The following LAMA2 variants were observed in gnomAD, a reference collection of about 807,000 sequenced individuals.
LAMA2 encodes laminin subunit alpha-2.
In LAMA2, 269 loss-of-function variants were observed where a neutral mutation model predicts 364.8. That is an observed-to-expected ratio of 0.74 (90% CI 0.67 to 0.82). LAMA2 has a LOEUF of 0.82. LAMA2 is among the 40% of genes least tolerant of loss of function. LAMA2 has a pLI of 0.00. For synonymous variants in LAMA2, 1,379 were observed against 1,370.6 expected, an observed-to-expected ratio of 1.01 and a Z score of -0.14; for missense variants, 3,807 against 3,873.2, an observed-to-expected ratio of 0.98 and a Z score of 0.45.
intron 34 of LAMA2, among the ~76,000 whole-genome samples, chr6:129,371,725 G>A (rs58958022): frequency 2.6e-5 from 4 of 151,236 alleles, no homozygotes; most frequent in Non-Finnish European, 4.4e-5. Flanking sequence ...TCCTGCCTCA[G>A]CCTCCCAAGT....
At chr6:129,260,911 C>G (rs1787081627) in intron 15 of LAMA2, 89 bp downstream of exon 15, 3 of 805,756 alleles carry the variant, frequency 3.7e-6, no homozygotes, top group South Asian at 2.7e-5. Flanking sequence ...TGTTTTTTTT[C>G]TATCAATAAT....
chr6:129,507,823 T>C (rs1786227314), intron 62 of LAMA2, among the ~76,000 whole-genome samples, 181 bp downstream of exon 62: 1 of 152,258 alleles, frequency 6.6e-6, no homozygotes, highest in Non-Finnish European at 1.5e-5. Context: ...CTGATCCTGA[T>C]AAGAATTAAT....
At chr6:128,895,596 C>T (rs1406344076) in intron 1 of LAMA2, among the ~76,000 whole-genome samples, 1 of 151,904 alleles carries the variant, frequency 6.6e-6, no homozygotes, top group African/African-American at 2.4e-5. Flanking sequence ...TGCAGTGAGC[C>T]GAGATTGCGC....
At chr6:129,016,291 T>C (rs1388869702) in intron 1 of LAMA2, among the ~76,000 whole-genome samples, 1 of 152,030 alleles carries the variant, frequency 6.6e-6, no homozygotes, top group Non-Finnish European at 1.5e-5. Flanking sequence ...TCTAATGAAA[T>C]TAATATGTGC....
At chr6:129,357,210 G>T (rs1167601494) in intron 32 of LAMA2, among the ~76,000 whole-genome samples, 1 of 151,936 alleles carries the variant, frequency 6.6e-6, no homozygotes, top group Non-Finnish European at 1.5e-5. Context: ...TTAGTATTTT[G>T]AAACACAAAA....
intron 1 of LAMA2, among the ~76,000 whole-genome samples, chr6:128,940,475 C>T (rs1235035967): frequency 6.6e-6 from 1 of 152,166 alleles, no homozygotes; most frequent in East Asian, 1.9e-4. Flanking sequence ...TTGTCTGGTA[C>T]ATTGCAGACA....
chr6:129,228,019 C>T (rs1171919213), intron 12 of LAMA2, among the ~76,000 whole-genome samples: 1 of 152,186 alleles, frequency 6.6e-6, no homozygotes, highest in African/African-American at 2.4e-5. Flanking sequence ...CTACTCAAGC[C>T]TCGGCAATGG....
intron 1 of LAMA2, among the ~76,000 whole-genome samples, chr6:129,045,595 G>A (rs1157852083): frequency 6.6e-6 from 1 of 152,140 alleles, no homozygotes; most frequent in Non-Finnish European, 1.5e-5. Context: ...ATAATATGAA[G>A]AATATAGAAT....
chr6:129,102,631 A>G (rs574484515), intron 4 of LAMA2, among the ~76,000 whole-genome samples: 93 of 151,970 alleles, frequency 6.1e-4, no homozygotes, highest in Middle Eastern at 3.4e-3. Context: ...GATATATTTT[A>G]TTTTCTGTTT....
At chr6:129,113,749 G>C (rs1315393073) in intron 4 of LAMA2, among the ~76,000 whole-genome samples, 2 of 151,958 alleles carry the variant, frequency 1.3e-5, no homozygotes, top group Non-Finnish European at 2.9e-5. Flanking sequence ...TAAAGTGTGT[G>C]TACCCTTCTA....
chr6:129,082,904 T>G lies in LAMA2; in HGVS notation c.397-15269T>G, dbSNP rs568624784. Among the ~76,000 whole-genome samples, 3 of 152,248 alleles carry G rather than the reference T, an allele frequency of 2.0e-5. No homozygotes were observed. In the South Asian group the frequency reaches 6.2e-4, roughly 32 times the overall value. On this transcript the variant is annotated intron_variant, in intron 3 of 64. Transcript: ENST00000421865. ...TTTCCATTGCTACTTTCCTATTGAT[T>G]GTTTTCCTCATATGTATCTTGAGAT...
chr6:129,096,059 T>C (rs1775166129), intron 3 of LAMA2, among the ~76,000 whole-genome samples: 1 of 152,242 alleles, frequency 6.6e-6, no homozygotes, highest in Non-Finnish European at 1.5e-5. Flanking sequence ...AGATATTTCA[T>C]ATTTTATAGC....
rs151009169 is a variant in LAMA2 at position 129,438,679 on chromosome 6, G to C, written c.6002G>C (p.Arg2001Thr). The change falls in exon 42 of 65, where the codon AGG (arginine) becomes ACG (threonine). Residue 2001 changes from arginine (R) to threonine (T), a missense_variant. Transcript: ENST00000421865. ...NEDHLNGLKT[R>T]IENADARNGD... ...GACCATCTAAATGGCTTAAAAACCA[G>C]GATAGAAAATGCTGATGCTAGAAAT... The C allele has an allele frequency of 6.2e-7, 1 of 1,608,144 alleles. No homozygotes were observed. Among genetic ancestry groups the C allele is most frequent in the South Asian group, 1.1e-5 (1 of 90,940 alleles).
intron 1 of LAMA2, chr6:128,929,940 C>A: frequency 4.1e-6 from 3 of 731,144 alleles, no homozygotes; most frequent in Non-Finnish European, 7.1e-6. Context: ...GCCCACAGCC[C>A]CACCTGGACC....
chr6:128,943,456 G>A (rs1408146645), intron 1 of LAMA2, among the ~76,000 whole-genome samples: 6 of 147,940 alleles, frequency 4.1e-5, no homozygotes, highest in African/African-American at 1.5e-4. Flanking sequence ...GTTAGTTATT[G>A]TACTTTTTTT....
chr6:129,062,294 G>C (rs1230622110), intron 3 of LAMA2, among the ~76,000 whole-genome samples: 1 of 152,132 alleles, frequency 6.6e-6, no homozygotes, highest in East Asian at 1.9e-4. Context: ...CTTTAGAAAA[G>C]TTCAGTGACT....
chr6:129,516,150 GACA>G, intron 64 of LAMA2, 37 bp from the exon 65 acceptor site: 1 of 1,608,762 alleles, frequency 6.2e-7, no homozygotes, highest in Non-Finnish European at 8.5e-7. Flanking sequence ...TTTGGTGCAG[GACA>G]TTTCAAAGCT....
intron 8 of LAMA2, chr6:129,157,798 G>T (rs548799847): frequency 1.9e-6 from 3 of 1,613,230 alleles, no homozygotes; most frequent in Admixed American, 1.7e-5. Context: ...ATACAACGAC[G>T]AGCCATCTCC....
At chr6:129,224,470 T>C (rs1019522558) in intron 12 of LAMA2, among the ~76,000 whole-genome samples, 2 of 152,162 alleles carry the variant, frequency 1.3e-5, no homozygotes, top group African/African-American at 4.8e-5. Flanking sequence ...CAGTATGATA[T>C]TGGCTGTGGG....
Sources: allele counts gnomAD v4.1 joint callset (sites outside exome capture counted in the v4.1 genomes callset), GRCh38; gene constraint gnomAD v4.1.1; transcripts MANE v1.5; gene names NCBI Gene and HGNC (gene_info 2026-07-23, HGNC 2026-07-21).